CCDC178: variants seen among roughly 807,000 people sequenced by gnomAD.
CCDC178 encodes coiled-coil domain containing 178.
CCDC178 carries 126 observed loss-of-function variants against 117.4 expected under a neutral mutation model. That is an observed-to-expected ratio of 1.07 (90% CI 0.93 to 1.24). The LOEUF is 1.24. CCDC178 is among the 50% of genes most tolerant of loss of function. The probability of loss-of-function intolerance (pLI) is 0.00; values close to 1 mark genes in which losing one functional copy is unlikely to be tolerated. For missense variants in CCDC178, 1,030 were observed against 986.9 expected (o/e 1.04, Z -0.59); for synonymous variants, 283 against 313.4 (o/e 0.90, Z 1.02).
At chr18:33,232,920 A>G (rs1265477247) in intron 15 of CCDC178, among the ~76,000 whole-genome samples, 1 of 152,118 alleles carries the variant, frequency 6.6e-6, no homozygotes, top group African/African-American at 2.4e-5. Flanking sequence ...AATTTATCTT[A>G]ATACTCATAG....
In CCDC178 at chr18:33,346,218, C is replaced by T; in HGVS notation, c.651G>A (p.Val217=). Residue 217 remains valine (V), a synonymous_variant, in exon 9 of 23, where the codon GTG becomes GTA. Coordinates refer to ENST00000383096, the MANE Select transcript of CCDC178 (RefSeq NM_001105528.4). ...VWKLQELPLA[V]QKEHEAYLSD... is the part of the protein sequence containing the mutation. ...AAAAATCCCTATTATTACCTTTCTG[C>T]ACAGCCAATGGGAGTTCTTGAAGTT... is the stretch of plus-strand genomic sequence containing the variant. The T allele has an allele frequency of 6.2e-7, 1 of 1,608,624 alleles. No individual in the cohort carries two copies.
intron 15 of CCDC178, among the ~76,000 whole-genome samples, chr18:33,235,063 T>C (rs928544645): frequency 6.6e-6 from 1 of 152,172 alleles, no homozygotes; most frequent in African/African-American, 2.4e-5. Context: ...AGGTTCTGAC[T>C]TTTATTTTAC....
intron 21 of CCDC178, among the ~76,000 whole-genome samples, chr18:33,085,920 A>C (rs895679498): frequency 6.6e-6 from 1 of 152,080 alleles, no homozygotes; most frequent in Admixed American, 6.5e-5. Flanking sequence ...AGCTCTGTAG[A>C]TTTGTGAAAA....
At chr18:33,234,096 A>G (rs944824183) in intron 15 of CCDC178, among the ~76,000 whole-genome samples, 1 of 152,176 alleles carries the variant, frequency 6.6e-6, no homozygotes, top group African/African-American at 2.4e-5. Flanking sequence ...TGTACTATCA[A>G]GATCCATAAA....
chr18:33,000,844 A>G (rs1293720112), intron 21 of CCDC178, among the ~76,000 whole-genome samples: 1 of 152,210 alleles, frequency 6.6e-6, no homozygotes, highest in Non-Finnish European at 1.5e-5. Flanking sequence ...CTGAAAGGAA[A>G]GGCATTAATA....
At position 33,022,788 on chromosome 18, in the gene CCDC178, A is replaced by G. The variant is rs188415529; in HGVS notation, c.2389-48107T>C. On this transcript the variant is annotated intron_variant, in intron 21 of 22. Transcript: ENST00000383096. The stretch of plus-strand genomic sequence containing the variant: ...TCTAAGTATATCAATTAGAACGCAG[A>G]CATTAGCAGAGCAGATTAAAAAGAC... Among the ~76,000 whole-genome samples the G allele has an allele frequency of 2.5e-4, 38 of 152,250 alleles. 2 individuals carry two copies. Among genetic ancestry groups the G allele is most frequent in the South Asian group, 1.0e-3 (5 of 4,830 alleles).
intron 11 of CCDC178, among the ~76,000 whole-genome samples, chr18:33,315,709 G>A (rs1049974823): frequency 1.3e-5 from 2 of 152,116 alleles, no homozygotes; most frequent in Admixed American, 6.5e-5. Context: ...GGAAAATGAG[G>A]CTGGTCCTTG....
chr18:33,070,645 A>C (rs113165363), intron 21 of CCDC178, among the ~76,000 whole-genome samples: 20 of 152,194 alleles, frequency 1.3e-4, no homozygotes, highest in African/African-American at 4.3e-4. Context: ...TATATTTAAA[A>C]ATAGCTAGGA....
intron 16 of CCDC178, among the ~76,000 whole-genome samples, chr18:33,226,373 T>G (rs1463197878): frequency 6.6e-6 from 1 of 152,214 alleles, no homozygotes; most frequent in Non-Finnish European, 1.5e-5. Context: ...AAGTTGTTTT[T>G]GCCAGCTTAC....
chr18:33,073,530 T>G (rs1372583003), intron 21 of CCDC178, among the ~76,000 whole-genome samples: 1 of 149,066 alleles, frequency 6.7e-6, no homozygotes, highest in Non-Finnish European at 1.5e-5. Context: ...TATCTATCTA[T>G]CTATCTATCT....
At chr18:33,085,734 T>C (rs886796537) in intron 21 of CCDC178, among the ~76,000 whole-genome samples, 3 of 152,118 alleles carry the variant, frequency 2.0e-5, no homozygotes, top group African/African-American at 7.2e-5. Context: ...AGGGAGATAT[T>C]CATATTCCTT....
At chr18:33,048,932 A>G (rs1462696925) in intron 21 of CCDC178, among the ~76,000 whole-genome samples, 1 of 152,142 alleles carries the variant, frequency 6.6e-6, no homozygotes, top group Non-Finnish European at 1.5e-5. Flanking sequence ...CTCCCACTCC[A>G]TCCCTATCAC....
chr18:33,261,899 C>T (rs1347926361), intron 14 of CCDC178, among the ~76,000 whole-genome samples: 3 of 152,030 alleles, frequency 2.0e-5, no homozygotes, highest in African/African-American at 7.2e-5. Flanking sequence ...ACATTTGGTA[C>T]TCTCTTCATA....
At chr18:32,991,959 T>C (rs980584604) in intron 21 of CCDC178, among the ~76,000 whole-genome samples, 3 of 152,240 alleles carry the variant, frequency 2.0e-5, no homozygotes, top group Non-Finnish European at 4.4e-5. Flanking sequence ...GTGTTTGTGG[T>C]ATAAAGTACA....
At chr18:33,244,716 G>A (rs762621114) in intron 15 of CCDC178, among the ~76,000 whole-genome samples, 16 of 151,852 alleles carry the variant, frequency 1.1e-4, no homozygotes, top group Admixed American at 2.6e-4. Context: ...CTAATACAAA[G>A]CCTCTACCAC....
At chr18:33,111,596 T>C (rs1251572111) in intron 20 of CCDC178, among the ~76,000 whole-genome samples, 1 of 151,648 alleles carries the variant, frequency 6.6e-6, no homozygotes, top group Non-Finnish European at 1.5e-5. Context: ...TTAATTACCT[T>C]TTCACCTGCT....
intron 20 of CCDC178, among the ~76,000 whole-genome samples, chr18:33,199,603 T>G (rs2053534929): frequency 6.6e-6 from 1 of 152,192 alleles, no homozygotes; most frequent in African/African-American, 2.4e-5. Context: ...CTCTGAAGTT[T>G]CAAACTCCTA....
chr18:33,020,146 G>A (rs1367745152), intron 21 of CCDC178, among the ~76,000 whole-genome samples: 3 of 145,946 alleles, frequency 2.1e-5, no homozygotes, highest in Non-Finnish European at 4.5e-5. Flanking sequence ...TTTTAGTAGA[G>A]ATGGGGTTTC....
At chr18:33,013,004 A>C (rs903044413) in intron 21 of CCDC178, among the ~76,000 whole-genome samples, 2 of 152,138 alleles carry the variant, frequency 1.3e-5, no homozygotes, top group African/African-American at 4.8e-5. Flanking sequence ...ACTTGTTTAT[A>C]AGAGAATGGA....
Sources: allele counts gnomAD v4.1 joint callset (sites outside exome capture counted in the v4.1 genomes callset), GRCh38; gene constraint gnomAD v4.1.1; transcripts MANE v1.5; gene names NCBI Gene and HGNC (gene_info 2026-07-23, HGNC 2026-07-21).